The following DAPK2 variants were observed in gnomAD, a reference collection of about 807,000 sequenced individuals.
DAPK2 encodes death-associated protein kinase 2.
In DAPK2, 35 loss-of-function variants were observed where a neutral mutation model predicts 44.1. The observed-to-expected ratio is 0.79, with a 90% CI of 0.61 to 1.05. DAPK2 has a LOEUF of 1.05. Ranked by LOEUF, DAPK2 falls within the 50% of genes least tolerant of loss-of-function variation. The pLI, the probability that DAPK2 is intolerant of heterozygous loss-of-function variation, is 0.00. For missense variants in DAPK2, 453 were observed against 483.2 expected (o/e 0.94, Z 0.59); for synonymous variants, 174 against 182.6 (o/e 0.95, Z 0.38).
intron 3 of DAPK2, among the ~76,000 whole-genome samples, chr15:63,952,416 G>C (rs1031999197): frequency 3.3e-5 from 5 of 152,186 alleles, no homozygotes; most frequent in African/African-American, 1.2e-4. Context: ...AAGAGCAGCA[G>C]CATCTGGGAT....
chr15:63,936,702 C>T lies in DAPK2; in HGVS notation c.583+2530G>A, dbSNP rs141497188. The stretch of plus-strand genomic sequence containing the variant: ...TTCTCAAGAATCCAGTTTTGTAAGC[C>T]GGGCATGGTGGTTCACGCCTGTCAC... On this transcript the variant is annotated intron_variant, in intron 4 of 10. Coordinates refer to ENST00000261891, the Ensembl canonical transcript of DAPK2. Among the ~76,000 whole-genome samples, 1,014 of 151,468 alleles carry T rather than the reference C, an allele frequency of 6.7e-3. 10 individuals carry two copies. Among genetic ancestry groups the T allele is most frequent in the African/African-American group, 0.023 (938 of 41,266 alleles).
chr15:63,948,198 G>A (rs1271352235), intron 3 of DAPK2, among the ~76,000 whole-genome samples: 1 of 143,036 alleles, frequency 7.0e-6, no homozygotes. Flanking sequence ...TTGAACCTGG[G>A]AGGCAGAGGT....
intron 1 of DAPK2, among the ~76,000 whole-genome samples, chr15:63,993,390 G>GTGTGTC (rs1210509820): frequency 6.6e-6 from 1 of 152,180 alleles, no homozygotes; most frequent in Admixed American, 6.5e-5. Flanking sequence ...AGAGGGCTAT[G>GTGTGTC]TGTGTCTGTG....
chr15:63,949,157 C>T (rs2077525131), intron 3 of DAPK2, among the ~76,000 whole-genome samples: 1 of 152,174 alleles, frequency 6.6e-6, no homozygotes, highest in Admixed American at 6.5e-5. Context: ...AGGAAAGGGC[C>T]TGAACTCAGT....
chr15:64,018,984 C>T (rs1309118362), intron 1 of DAPK2, among the ~76,000 whole-genome samples: 7 of 152,226 alleles, frequency 4.6e-5, no homozygotes, highest in African/African-American at 1.7e-4. Flanking sequence ...TGGCTAATGC[C>T]TGTCCAATAA....
At chr15:64,006,036 C>CAAAAA (rs35338084) in intron 1 of DAPK2, among the ~76,000 whole-genome samples, 1 of 92,870 alleles carries the variant, frequency 1.1e-5, no homozygotes, top group African/African-American at 3.8e-5. Context: ...GATCCTGACT[C>CAAAAA]AAAAAAAAAA....
chr15:64,036,876 G>T (rs905263822), intron 1 of DAPK2, among the ~76,000 whole-genome samples: 1 of 152,018 alleles, frequency 6.6e-6, no homozygotes, highest in African/African-American at 2.4e-5. Context: ...AGAAGGTGGG[G>T]CCTTGACACC....
Position 63,926,094 on chromosome 15 carries a change from C to T in DAPK2, c.660-1G>A. On this transcript the variant is annotated splice_acceptor_variant, in intron 6 of 10. Coordinates refer to ENST00000261891, the Ensembl canonical transcript of DAPK2. LOFTEE classifies it high-confidence loss of function. ...CAGGAAAGGGGATGCTCCACTTAAG[C>T]TGAGTACGACAGACAGGGAATCAAA... 6.3e-7 allele frequency: 1 copy of T among 1,599,792 alleles called. No homozygotes were observed. Among genetic ancestry groups the T allele is most frequent in the Non-Finnish European group, 8.5e-7 (1 of 1,172,474 alleles).
intron 3 of DAPK2, among the ~76,000 whole-genome samples, chr15:63,964,099 T>C (rs539620384): frequency 6.6e-6 from 1 of 152,248 alleles, no homozygotes; most frequent in Non-Finnish European, 1.5e-5. Context: ...TCCTTTAGAT[T>C]GAAGAATTCC....
intron 3 of DAPK2, among the ~76,000 whole-genome samples, chr15:63,948,428 A>C (rs187988078): frequency 4.6e-5 from 7 of 152,166 alleles, no homozygotes; most frequent in African/African-American, 1.7e-4. Flanking sequence ...ACCTGGCCAG[A>C]GAAGGAGCAA....
At chr15:63,975,087 A>G (rs2078307750) in intron 2 of DAPK2, among the ~76,000 whole-genome samples, 1 of 152,170 alleles carries the variant, frequency 6.6e-6, no homozygotes, top group Non-Finnish European at 1.5e-5. Flanking sequence ...GAGGGGGCTT[A>G]GAATTTAATT....
At position 63,926,195 on chromosome 15, in the gene DAPK2, G is replaced by A. The variant is rs1460758279; in HGVS notation, c.660-102C>T. 4 of 1,357,734 alleles carry A rather than the reference G, an allele frequency of 2.9e-6. No individual in the cohort carries two copies. In the East Asian group the frequency reaches 7.0e-5, roughly 24 times the overall value. 84.1% of individuals were successfully genotyped at this position (1,357,734 alleles called of 1,614,324 possible). ...GCCCCATGACTGCTGCAGGGAGCTG[G>A]AAGGCTCCCAGCAACACAGCCTGCC... On this transcript the variant is annotated intron_variant, in intron 6 of 10. Transcript: ENST00000261891.
chr15:64,035,686 A>C (rs948248520), intron 1 of DAPK2, among the ~76,000 whole-genome samples: 2 of 152,190 alleles, frequency 1.3e-5, no homozygotes, highest in African/African-American at 4.8e-5. Context: ...GATTGCTACC[A>C]AGGCTGGGAG....
At chr15:63,925,585 G>A (rs965013082) in intron 7 of DAPK2, among the ~76,000 whole-genome samples, 5 of 151,572 alleles carry the variant, frequency 3.3e-5, no homozygotes, top group Non-Finnish European at 5.9e-5. Context: ...TGAAAACCCT[G>A]CCACTTAAAC....
Position 63,925,987 on chromosome 15 carries a change from C to T in DAPK2, c.766G>A (p.Glu256Lys), listed in dbSNP as rs765572531. The stretch of plus-strand genomic sequence containing the variant: ...TTCCGAATAAAGTCCTTGGCCAGCT[C>T]GCTCGTCTGGCTGAAGAATTCCTCA... The change falls in exon 7 of 11, where the codon GAG becomes AAG. Residue 256 changes from glutamate (E) to lysine (K), a missense_variant. Physicochemically the swap from Glu to Lys is moderately conservative, Grantham distance 56. Transcript: ENST00000261891. The T allele has an allele frequency of 8.1e-6, 13 of 1,614,068 alleles. No individual in the cohort carries two copies. The Middle Eastern group carries it at 4.9e-4, about 61-fold the overall frequency.
intron 1 of DAPK2, among the ~76,000 whole-genome samples, chr15:64,008,168 CT>C (rs548526142): frequency 1.1e-3 from 162 of 151,826 alleles, no homozygotes; most frequent in African/African-American, 3.6e-3. Context: ...GTACTAATGG[CT>C]TTAGGACACT....
chr15:63,967,682 C>T (rs1192064333), intron 3 of DAPK2, among the ~76,000 whole-genome samples: 2 of 152,142 alleles, frequency 1.3e-5, no homozygotes, highest in Non-Finnish European at 2.9e-5. Flanking sequence ...CAGAGCGAGA[C>T]TCTGTCTCAA....
At chr15:63,991,123 A>G in intron 1 of DAPK2, 1 of 407,674 alleles carries the variant, frequency 2.5e-6, no homozygotes, top group Non-Finnish European at 4.9e-6. Flanking sequence ...CCAGATATTC[A>G]GGAAACCAAA....
intron 2 of DAPK2, among the ~76,000 whole-genome samples, chr15:63,979,867 A>G (rs1182233437): frequency 1.3e-5 from 2 of 152,122 alleles, no homozygotes; most frequent in East Asian, 3.9e-4. Context: ...GTGAGCCGAG[A>G]TCACGCCACT....
Sources: gnomAD v4.1 joint callset for allele counts (sites outside exome capture counted in the v4.1 genomes callset) on GRCh38, gnomAD v4.1.1 for gene constraint, MANE v1.5 for transcripts, NCBI Gene and HGNC (gene_info 2026-07-23, HGNC 2026-07-21) for gene names.